The following LRBA variants were observed in gnomAD, a reference collection of about 807,000 sequenced individuals.
LRBA encodes lipopolysaccharide-responsive and beige-like anchor protein.
In LRBA, 176 loss-of-function variants were observed where a neutral mutation model predicts 330.0. The observed-to-expected ratio is 0.53, with a 90% CI of 0.47 to 0.60. The LOEUF (loss-of-function observed/expected upper bound fraction) is 0.60, where lower values mean the gene tolerates loss of function less well. LRBA is among the 20% of genes least tolerant of loss of function. The pLI is 0.00. For missense variants in LRBA, 3,259 were observed against 3,444.8 expected (o/e 0.95, Z 1.35); for synonymous variants, 1,230 against 1,193.0 (o/e 1.03, Z -0.64).
chr4:150,410,341 T>C (rs960706703), intron 47 of LRBA, among the ~76,000 whole-genome samples: 2 of 152,178 alleles, frequency 1.3e-5, no homozygotes, highest in African/African-American at 4.8e-5. Context: ...TATTTCTTTA[T>C]CAACCTTGTT....
chr4:150,927,757 T>G (rs1734041783), intron 4 of LRBA, among the ~76,000 whole-genome samples: 1 of 152,018 alleles, frequency 6.6e-6, no homozygotes, highest in South Asian at 2.1e-4. Context: ...TCAATGAAAA[T>G]TAGTAAAAAA....
intron 34 of LRBA, among the ~76,000 whole-genome samples, chr4:150,771,028 A>T (rs1222959413): frequency 2.6e-5 from 4 of 152,214 alleles, no homozygotes; most frequent in African/African-American, 9.6e-5. Context: ...ATTCAGAGGC[A>T]GGAGGAGCCC....
intron 37 of LRBA, among the ~76,000 whole-genome samples, chr4:150,650,317 CTG>C (rs1779588864): frequency 1.3e-5 from 2 of 152,108 alleles, no homozygotes; most frequent in Admixed American, 6.6e-5. Context: ...CATTTAAAAA[CTG>C]AGAAAATTTT....
intron 40 of LRBA, among the ~76,000 whole-genome samples, chr4:150,515,565 G>T (rs893840945): frequency 1.3e-5 from 2 of 151,972 alleles, no homozygotes; most frequent in Non-Finnish European, 2.9e-5. Context: ...CTATGCATGG[G>T]TTAGCAATTA....
chr4:150,797,932 C>A, intron 34 of LRBA, 149 bp downstream of exon 34: 1 of 572,568 alleles, frequency 1.7e-6, no homozygotes, highest in Non-Finnish European at 3.2e-6. Flanking sequence ...AGAAGTAATC[C>A]TTTTGCAATA....
At chr4:150,889,304 AT>A (rs1374414492) in intron 17 of LRBA, among the ~76,000 whole-genome samples, 1 of 142,608 alleles carries the variant, frequency 7.0e-6, no homozygotes, top group Non-Finnish European at 1.5e-5. Context: ...AAAAAAAAAA[AT>A]TGCAACCTCT....
At chr4:150,301,597 G>A (rs201107486) in intron 53 of LRBA, among the ~76,000 whole-genome samples, 1 of 104,184 alleles carries the variant, frequency 9.6e-6, no homozygotes. Flanking sequence ...TAAATGTTTT[G>A]AAAAAAAGGT....
chr4:150,597,415 CA>C (rs1375444610), intron 38 of LRBA, among the ~76,000 whole-genome samples: 3 of 151,698 alleles, frequency 2.0e-5, no homozygotes, highest in African/African-American at 7.3e-5. Flanking sequence ...ATCTATACCA[CA>C]AATTTTAAAT....
At chr4:150,780,038 T>C (rs1560806565) in intron 34 of LRBA, among the ~76,000 whole-genome samples, 1 of 152,128 alleles carries the variant, frequency 6.6e-6, no homozygotes, top group African/African-American at 2.4e-5. Context: ...GCACACAACA[T>C]TAAGAATTAA....
intron 34 of LRBA, among the ~76,000 whole-genome samples, chr4:150,766,991 T>C (rs1245002610): frequency 6.6e-6 from 1 of 152,146 alleles, no homozygotes; most frequent in African/African-American, 2.4e-5. Flanking sequence ...TGCTTTTAAG[T>C]CACACAACAA....
intron 42 of LRBA, among the ~76,000 whole-genome samples, chr4:150,475,867 T>C (rs1453682583): frequency 6.6e-6 from 1 of 150,698 alleles, no homozygotes; most frequent in Non-Finnish European, 1.5e-5. Flanking sequence ...CTGTGCCAAG[T>C]GCACTCCAGC....
At chr4:150,446,882 T>C (rs1352159369) in intron 44 of LRBA, among the ~76,000 whole-genome samples, 1 of 152,212 alleles carries the variant, frequency 6.6e-6, no homozygotes, top group Non-Finnish European at 1.5e-5. Context: ...TTTACCCTTT[T>C]TAAAATGAAA....
In LRBA at chr4:150,761,796, C is replaced by T. The variant is rs1262956027; in HGVS notation, c.5632G>A (p.Val1878Ile). 6.5e-7 allele frequency: 1 copy of T among 1,544,310 alleles called. No individual in the cohort carries two copies. Among genetic ancestry groups the T allele is most frequent in the Non-Finnish European group, 8.7e-7 (1 of 1,149,782 alleles). ...KNAGLAFIEL[V>I]NEGRLLSQTM... ...AAAATAAATTACCTTCCTTCATTGA[C>T]AAGTTCGATAAAAGCAAGGCCTGCA... The change falls in exon 35 of 57, where the codon GTC becomes ATC. Residue 1878 changes from valine (V) to isoleucine (I), a missense_variant. Val to Ile is a conservative substitution (Grantham distance 29). Transcript: ENST00000651943.
intron 22 of LRBA, among the ~76,000 whole-genome samples, chr4:150,857,647 A>G (rs1198920045): frequency 3.3e-5 from 5 of 152,196 alleles, no homozygotes; most frequent in Non-Finnish European, 5.9e-5. Flanking sequence ...GTATTGAACC[A>G]GGCTCATCAT....
rs148816888 is a variant in LRBA at position 150,768,866 on chromosome 4, G to A, written c.5581-7019C>T. ...AAGAAAAGTATAATTAAATATCATA[G>A]GAAAATTTTTTTAAATTTCATCTAA... On this transcript the variant is annotated intron_variant, in intron 34 of 56. Coordinates refer to ENST00000651943, the MANE Select transcript of LRBA (RefSeq NM_001364905.1). Among the ~76,000 whole-genome samples the A allele has an allele frequency of 4.4e-3, 667 of 150,102 alleles. 5 individuals are homozygous for A. Among genetic ancestry groups the A allele is most frequent in the African/African-American group, 0.016 (644 of 40,888 alleles).
intron 32 of LRBA, among the ~76,000 whole-genome samples, chr4:150,806,689 T>G (rs1229398940): frequency 6.6e-6 from 1 of 152,022 alleles, no homozygotes; most frequent in Non-Finnish European, 1.5e-5. Flanking sequence ...AGCAGTTTGT[T>G]TTTAGGCCCA....
intron 2 of LRBA, among the ~76,000 whole-genome samples, chr4:150,993,190 C>A (rs1331757923): frequency 1.3e-5 from 2 of 151,878 alleles, no homozygotes; most frequent in African/African-American, 4.8e-5. Context: ...TTGGCTAGAG[C>A]ATAATTATTA....
At chr4:150,828,908 T>C (rs1042155578) in intron 29 of LRBA, among the ~76,000 whole-genome samples, 1 of 147,258 alleles carries the variant, frequency 6.8e-6, no homozygotes, top group Non-Finnish European at 1.5e-5. Flanking sequence ...AAAAAGTCTA[T>C]AATCTTTTTT....
At chr4:150,885,389 G>C (rs1728842688) in intron 17 of LRBA, among the ~76,000 whole-genome samples, 1 of 152,094 alleles carries the variant, frequency 6.6e-6, no homozygotes, top group Non-Finnish European at 1.5e-5. Context: ...CTTAGGCTGA[G>C]ATGGGCGGGT....
Sources: gnomAD v4.1 joint callset for allele counts (sites outside exome capture counted in the v4.1 genomes callset) on GRCh38, gnomAD v4.1.1 for gene constraint, MANE v1.5 for transcripts, NCBI Gene and HGNC (gene_info 2026-07-23, HGNC 2026-07-21) for gene names.